Variants in PLCXD3 observed in about 807,000 individuals in gnomAD.
PLCXD3 encodes PI-PLC X domain-containing protein 3.
Under a neutral mutation model 25.5 loss-of-function variants are expected in PLCXD3, and 19 were observed. The ratio of observed to expected loss-of-function variants is 0.75; its 90% confidence interval spans 0.52 to 1.09. PLCXD3 has a LOEUF of 1.09. Ranked by LOEUF, PLCXD3 falls within the 50% of genes least tolerant of loss-of-function variation. The probability of loss-of-function intolerance (pLI) is 0.00; values close to 1 mark genes in which losing one functional copy is unlikely to be tolerated. For synonymous variants in PLCXD3, 174 were observed against 137.6 expected (o/e 1.26, Z -1.85); for missense variants, 411 against 388.1 (o/e 1.06, Z -0.50).
chr5:41,329,983 TC>T (rs769684304), intron 2 of PLCXD3, among the ~76,000 whole-genome samples: 5 of 151,926 alleles, frequency 3.3e-5, no homozygotes, highest in Admixed American at 1.3e-4. Flanking sequence ...CTCTAACACC[TC>T]TAAACTTATA....
In PLCXD3 at chr5:41,363,398, C is replaced by T. The variant is rs115350954; in HGVS notation, c.812+18428G>A. On this transcript the variant is annotated intron_variant, in intron 2 of 2. Transcript: ENST00000377801. ...ATATATTTTTTTAAAAAGACTTTCT[C>T]CAAGAATTCAGGATATTTTCTCTTA... is the stretch of plus-strand genomic sequence containing the variant. Among the ~76,000 whole-genome samples, 1,057 of 152,196 alleles carry T rather than the reference C, an allele frequency of 6.9e-3. 8 individuals carry two copies. The highest frequency in any genetic ancestry group is 0.023 in the African/African-American group (972 of 41,530).
chr5:41,406,232 G>A (rs1300206677), intron 1 of PLCXD3, among the ~76,000 whole-genome samples: 1 of 151,952 alleles, frequency 6.6e-6, no homozygotes, highest in Non-Finnish European at 1.5e-5. Context: ...AAGCTGTATT[G>A]CAGACCTCAA....
chr5:41,339,621 A>C (rs1236716568), intron 2 of PLCXD3, among the ~76,000 whole-genome samples: 1 of 152,098 alleles, frequency 6.6e-6, no homozygotes, highest in Non-Finnish European at 1.5e-5. Flanking sequence ...TTTAGCTTTA[A>C]GTAAGTCATT....
At chr5:41,494,252 T>C (rs184447822) in intron 1 of PLCXD3, among the ~76,000 whole-genome samples, 2 of 152,300 alleles carry the variant, frequency 1.3e-5, no homozygotes, top group Admixed American at 1.3e-4. Flanking sequence ...TGGAGGGTTT[T>C]ATATAAGCAA....
chr5:41,477,686 A>T (rs188145186), intron 1 of PLCXD3, among the ~76,000 whole-genome samples: 3 of 152,162 alleles, frequency 2.0e-5, no homozygotes, highest in Non-Finnish European at 4.4e-5. Context: ...AAATTAAAAA[A>T]AAAACCTCAT....
intron 1 of PLCXD3, among the ~76,000 whole-genome samples, chr5:41,384,694 A>T (rs1194092294): frequency 6.6e-6 from 1 of 152,130 alleles, no homozygotes; most frequent in Non-Finnish European, 1.5e-5. Flanking sequence ...AAAATTGTAA[A>T]AATAAAATTT....
At chr5:41,484,982 C>G (rs563710669) in intron 1 of PLCXD3, among the ~76,000 whole-genome samples, 7 of 152,188 alleles carry the variant, frequency 4.6e-5, no homozygotes, top group Non-Finnish European at 8.8e-5. Flanking sequence ...ATGTTATTGA[C>G]AGAGGATAGT....
In PLCXD3 at chr5:41,398,376, C is replaced by T. The variant is rs142385520; in HGVS notation, c.104-15842G>A. Among the ~76,000 whole-genome samples, 900 of 152,192 alleles carry T rather than the reference C, an allele frequency of 5.9e-3. 6 individuals carry two copies. Among genetic ancestry groups the T allele is most frequent in the African/African-American group, 0.02 (843 of 41,530 alleles). ...GCCATGGTAAAATCTGCTTGCTTTCCCTTCACCTTCTGCAATGATTGTAAG... is the reference window on the plus strand; with the variant it reads ...GCCATGGTAAAATCTGCTTGCTTTCTCTTCACCTTCTGCAATGATTGTAAG... On this transcript the variant is annotated intron_variant, in intron 1 of 2. Transcript: ENST00000377801.
chr5:41,412,162 C>G (rs1188425351), intron 1 of PLCXD3, among the ~76,000 whole-genome samples: 1 of 151,846 alleles, frequency 6.6e-6, no homozygotes, highest in Non-Finnish European at 1.5e-5. Flanking sequence ...AAATCGTGGT[C>G]AAATTTATAC....
At chr5:41,347,572 C>T (rs1165766883) in intron 2 of PLCXD3, among the ~76,000 whole-genome samples, 1 of 152,196 alleles carries the variant, frequency 6.6e-6, no homozygotes, top group East Asian at 1.9e-4. Context: ...GTAGCTGTGT[C>T]TGTGCAAGCA....
At chr5:41,324,402 T>C (rs1336201556) in intron 2 of PLCXD3, among the ~76,000 whole-genome samples, 1 of 152,216 alleles carries the variant, frequency 6.6e-6, no homozygotes, top group Non-Finnish European at 1.5e-5. Flanking sequence ...TTAAAAATCC[T>C]GATCCATAAT....
At chr5:41,325,601 T>C (rs78801618) in intron 2 of PLCXD3, among the ~76,000 whole-genome samples, 14,227 of 152,212 alleles carry the variant, frequency 0.093, 949 homozygotes, top group East Asian at 0.35. Flanking sequence ...TCTGAAGAAC[T>C]AATTTTTGTT....
At chr5:41,447,262 A>G (rs1561276251) in intron 1 of PLCXD3, among the ~76,000 whole-genome samples, 1 of 152,224 alleles carries the variant, frequency 6.6e-6, no homozygotes, top group Non-Finnish European at 1.5e-5. Context: ...AAAGGCAGAT[A>G]GGAAAGAGGT....
intron 1 of PLCXD3, among the ~76,000 whole-genome samples, chr5:41,403,401 G>GTTTGTTTTTTTTT (rs1554047951): frequency 3.8e-4 from 7 of 18,388 alleles, no homozygotes; most frequent in Non-Finnish European, 8.4e-4. Context: ...CTTATTTGTT[G>GTTTGTTTTTTTTT]TTTTTTTTTT....
chr5:41,335,858 A>T (rs72755973), intron 2 of PLCXD3, among the ~76,000 whole-genome samples: 12,852 of 152,170 alleles, frequency 0.084, 832 homozygotes, highest in East Asian at 0.35. Flanking sequence ...ATGGAAACAT[A>T]GGAAAAGGAG....
intron 1 of PLCXD3, among the ~76,000 whole-genome samples, chr5:41,504,298 G>A (rs1749012878): frequency 6.6e-6 from 1 of 152,136 alleles, no homozygotes; most frequent in Non-Finnish European, 1.5e-5. Context: ...CAAACACATA[G>A]GTGCAGATGC....
chr5:41,343,622 T>A (rs1744221560), intron 2 of PLCXD3, among the ~76,000 whole-genome samples: 2 of 152,116 alleles, frequency 1.3e-5, no homozygotes, highest in African/African-American at 4.8e-5. Flanking sequence ...AACTTTGGAT[T>A]GAAATAATTT....
At chr5:41,439,186 G>A (rs1196142977) in intron 1 of PLCXD3, among the ~76,000 whole-genome samples, 1 of 152,120 alleles carries the variant, frequency 6.6e-6, no homozygotes, top group Non-Finnish European at 1.5e-5. Context: ...CATGGGTCAT[G>A]AATGGAAAAT....
At chr5:41,414,090 C>T (rs1408964318) in intron 1 of PLCXD3, among the ~76,000 whole-genome samples, 1 of 152,130 alleles carries the variant, frequency 6.6e-6, no homozygotes, top group Non-Finnish European at 1.5e-5. Flanking sequence ...AAAGCTAAGA[C>T]CCACATGCTG....
Sources: gnomAD v4.1 joint callset for allele counts (sites outside exome capture counted in the v4.1 genomes callset) on GRCh38, gnomAD v4.1.1 for gene constraint, MANE v1.5 for transcripts, NCBI Gene and HGNC (gene_info 2026-07-23, HGNC 2026-07-21) for gene names.